ALG5: variants seen among roughly 807,000 people sequenced by gnomAD.
The protein encoded by ALG5 is dolichyl-phosphate beta-glucosyltransferase.
ALG5 carries 26 observed loss-of-function variants against 51.8 expected under a neutral mutation model. The observed-to-expected ratio is 0.50, with a 90% CI of 0.37 to 0.70. The LOEUF is 0.70. Ranked by LOEUF, ALG5 falls within the 30% of genes least tolerant of loss-of-function variation. The pLI, the probability that ALG5 is intolerant of heterozygous loss-of-function variation, is 0.00. For missense variants in ALG5, 311 were observed against 399.3 expected (o/e 0.78, Z 1.88); for synonymous variants, 141 against 136.1 (o/e 1.04, Z -0.25).
At chr13:36,956,937 CGAAG>C (rs2058842540) in intron 8 of ALG5, among the ~76,000 whole-genome samples, 1 of 152,044 alleles carries the variant, frequency 6.6e-6, no homozygotes, top group Non-Finnish European at 1.5e-5. Flanking sequence ...CTCCAGGAAA[CGAAG>C]CCCCAGTACT....
chr13:36,999,286 C>T lies in ALG5; in HGVS notation c.15G>A (p.Leu5=), dbSNP rs771566757. 19 of 1,579,366 alleles carry T rather than the reference C, an allele frequency of 1.2e-5. No homozygotes were observed. The highest frequency in any genetic ancestry group is 1.6e-5 in the Non-Finnish European group (19 of 1,165,716). The change falls in exon 1 of 10, where the codon CTG becomes CTA. Residue 5 remains leucine, a synonymous_variant. Transcript: ENST00000239891. ...CCGCGCCGAGCACCGCCAGCTGCAA[C>T]AGAAGCGGAGCCATTCTCCATGCCG... is the stretch of plus-strand genomic sequence containing the variant. The part of the protein sequence containing the change: MAPL[L]LQLAVLGAAL...
intron 9 of ALG5, among the ~76,000 whole-genome samples, chr13:36,950,976 T>C (rs1237436714): frequency 6.6e-6 from 1 of 152,184 alleles, no homozygotes; most frequent in African/African-American, 2.4e-5. Context: ...ATTTTAATTA[T>C]ACTTTATATT....
At chr13:36,980,973 C>T (rs1466985310) in intron 6 of ALG5, among the ~76,000 whole-genome samples, 2 of 151,802 alleles carry the variant, frequency 1.3e-5, no homozygotes, top group African/African-American at 2.4e-5. Context: ...GACCCTGTCT[C>T]AAAAATAAAA....
intron 6 of ALG5, among the ~76,000 whole-genome samples, chr13:36,975,009 C>T (rs1350225787): frequency 2.0e-5 from 3 of 152,106 alleles, no homozygotes; most frequent in Non-Finnish European, 4.4e-5. Flanking sequence ...TCAAGATATC[C>T]AGATCATCCT....
chr13:36,970,457 G>T (rs919122671), intron 7 of ALG5, among the ~76,000 whole-genome samples: 9 of 151,976 alleles, frequency 5.9e-5, no homozygotes, highest in African/African-American at 2.2e-4. Context: ...AAAATTAGCT[G>T]GGTGTGGTGG....
intron 6 of ALG5, among the ~76,000 whole-genome samples, chr13:36,984,236 C>T (rs2058992261): frequency 6.6e-6 from 1 of 151,766 alleles, no homozygotes; most frequent in African/African-American, 2.4e-5. Context: ...GTAGCTGGGA[C>T]TAGACGCATA....
intron 8 of ALG5, among the ~76,000 whole-genome samples, chr13:36,958,654 G>A (rs892837745): frequency 6.6e-6 from 1 of 152,148 alleles, no homozygotes; most frequent in Non-Finnish European, 1.5e-5. Flanking sequence ...AGTGGGAACT[G>A]AGAGACAGGA....
intron 8 of ALG5, among the ~76,000 whole-genome samples, chr13:36,963,640 T>C (rs1422603551): frequency 6.6e-6 from 1 of 152,142 alleles, no homozygotes. Context: ...ATATCTAAAT[T>C]TGACAACTAA....
chr13:36,955,256 C>T (rs886159302), intron 8 of ALG5, among the ~76,000 whole-genome samples: 3 of 152,188 alleles, frequency 2.0e-5, no homozygotes, highest in Non-Finnish European at 4.4e-5. Context: ...CTGGTTTAAC[C>T]TGTAGCGAAA....
chr13:36,985,275 TTC>T (rs1226975306), intron 6 of ALG5, among the ~76,000 whole-genome samples: 1 of 152,122 alleles, frequency 6.6e-6, no homozygotes, highest in Non-Finnish European at 1.5e-5. Context: ...AAAAACTGGA[TTC>T]TGTGATCCAG....
Position 36,967,002 on chromosome 13 carries a change from T to C in ALG5, c.622-1276A>G, listed in dbSNP as rs146992213. Among the ~76,000 whole-genome samples, 651 of 151,910 alleles carry C rather than the reference T, an allele frequency of 4.3e-3. 5 individuals carry two copies. The highest frequency in any genetic ancestry group is 0.015 in the African/African-American group (615 of 41,436). On this transcript the variant is annotated intron_variant, in intron 7 of 9. Coordinates refer to ENST00000239891, the MANE Select transcript of ALG5 (RefSeq NM_013338.5). ...CTCTGGGAGGCCGAGGCAGGTGGAT[T>C]GCTTGAGGTCAGGGGTTCAAGACCA... is the stretch of plus-strand genomic sequence containing the variant.
At chr13:36,951,136 T>C (rs977297105) in intron 9 of ALG5, among the ~76,000 whole-genome samples, 1 of 152,194 alleles carries the variant, frequency 6.6e-6, no homozygotes, top group African/African-American at 2.4e-5. Context: ...CTACAATTCA[T>C]ATTACAAGAC....
intron 9 of ALG5, 64 bp downstream of exon 9, chr13:36,952,450 C>A (rs2058822632): frequency 1.7e-6 from 2 of 1,192,124 alleles, no homozygotes; most frequent in Middle Eastern, 1.9e-4. Context: ...TTAAAGCCAG[C>A]TGACTTTACT....
chr13:36,988,851 C>G (rs1013623235), intron 5 of ALG5, among the ~76,000 whole-genome samples: 31 of 152,236 alleles, frequency 2.0e-4, no homozygotes, highest in Admixed American at 1.0e-3. Context: ...GGACTGCCCA[C>G]CTTTAGACTT....
chr13:36,964,525 T>C (rs1440926397), intron 8 of ALG5, among the ~76,000 whole-genome samples: 1 of 152,194 alleles, frequency 6.6e-6, no homozygotes, highest in Non-Finnish European at 1.5e-5. Flanking sequence ...TAGCCACCTG[T>C]ATCTCCAGTA....
At chr13:36,975,857 T>C (rs1355249546) in intron 6 of ALG5, among the ~76,000 whole-genome samples, 1 of 151,670 alleles carries the variant, frequency 6.6e-6, no homozygotes, top group Admixed American at 6.6e-5. Context: ...CCCATCTCTA[T>C]TAAAAATACA....
At chr13:36,972,482 T>C (rs1327763894) in intron 6 of ALG5, among the ~76,000 whole-genome samples, 5 of 150,596 alleles carry the variant, frequency 3.3e-5, no homozygotes, top group African/African-American at 9.8e-5. Context: ...AAACTTTAGA[T>C]GTCACATGTA....
At chr13:36,958,994 TAAA>T (rs869205338) in intron 8 of ALG5, among the ~76,000 whole-genome samples, 1 of 140,108 alleles carries the variant, frequency 7.1e-6, no homozygotes, top group African/African-American at 2.6e-5. Flanking sequence ...CAAAATAAAA[TAAA>T]AAAAAAAAGA....
At chr13:36,993,102 A>G (rs1222749714) in intron 4 of ALG5, among the ~76,000 whole-genome samples, 2 of 152,290 alleles carry the variant, frequency 1.3e-5, no homozygotes, top group East Asian at 3.9e-4. Context: ...CCCTTCATGT[A>G]TCACTAAACT....
Sources: allele counts gnomAD v4.1 joint callset (sites outside exome capture counted in the v4.1 genomes callset), GRCh38; gene constraint gnomAD v4.1.1; transcripts MANE v1.5; gene names NCBI Gene and HGNC (gene_info 2026-07-23, HGNC 2026-07-21).